Variants in DNAJC25 observed in about 807,000 individuals in gnomAD.
The protein encoded by DNAJC25 is dnaJ homolog subfamily C member 25.
In DNAJC25, 26 loss-of-function variants were observed where a neutral mutation model predicts 42.1. The observed-to-expected ratio is 0.62, with a 90% CI of 0.45 to 0.86. The LOEUF is 0.86. Among genes scored for constraint, DNAJC25 ranks in the 40% least tolerant of loss-of-function variants. The probability of loss-of-function intolerance (pLI) is 0.00; values close to 1 mark genes in which losing one functional copy is unlikely to be tolerated. For missense variants in DNAJC25, 404 were observed against 459.4 expected (o/e 0.88, Z 1.10); for synonymous variants, 189 against 179.9 (o/e 1.05, Z -0.40).
chr9:111,647,530 T>G (rs559491930), intron 2 of DNAJC25, among the ~76,000 whole-genome samples: 1 of 152,276 alleles, frequency 6.6e-6, no homozygotes, highest in East Asian at 1.9e-4. Context: ...ATAGCCAGAG[T>G]GAACGTCAGC....
intron 1 of DNAJC25, among the ~76,000 whole-genome samples, chr9:111,637,694 G>A (rs1015983065): frequency 6.6e-5 from 10 of 152,132 alleles, no homozygotes; most frequent in African/African-American, 2.4e-4. Flanking sequence ...TGTTCTTGTT[G>A]AGGTGAACAG....
chr9:111,652,619 G>A (rs186159038), intron 3 of DNAJC25, among the ~76,000 whole-genome samples: 12 of 149,638 alleles, frequency 8.0e-5, no homozygotes, highest in Middle Eastern at 3.6e-3. Flanking sequence ...TCAGCTCACT[G>A]CAACCTCCGC....
chr9:111,649,184 T>C (rs1830610941), intron 2 of DNAJC25, among the ~76,000 whole-genome samples: 1 of 152,176 alleles, frequency 6.6e-6, no homozygotes, highest in African/African-American at 2.4e-5. Context: ...GTATGATACA[T>C]TGATTAGCCT....
intron 2 of DNAJC25, 38 bp downstream of exon 2, chr9:111,647,297 C>T (rs1381526246): frequency 1.2e-6 from 2 of 1,608,716 alleles, no homozygotes; most frequent in East Asian, 2.2e-5. Context: ...CATTTATGTG[C>T]ATTGAGTGCA....
chr9:111,639,695 G>A (rs1830415921), intron 1 of DNAJC25, among the ~76,000 whole-genome samples: 1 of 149,984 alleles, frequency 6.7e-6, no homozygotes, highest in Non-Finnish European at 1.5e-5. Flanking sequence ...ATGTGTGTGT[G>A]TGTGTGTATG....
At chr9:111,650,054 C>G (rs1830633303) in intron 3 of DNAJC25, 131 bp downstream of exon 3, 1 of 840,810 alleles carries the variant, frequency 1.2e-6, no homozygotes, top group Non-Finnish European at 1.7e-6. Context: ...TAGTAAAGAC[C>G]TTTTATTGAA....
In DNAJC25 at chr9:111,649,365, A is replaced by G. The variant is rs147227293; in HGVS notation, c.490-88A>G. The G allele has an allele frequency of 4.6e-4, 668 of 1,438,878 alleles. 7 individuals carry two copies. The African/African-American group carries it at 8.8e-3, about 19-fold the overall frequency. The allele number at this position is 1,438,878 out of a possible 1,614,324, so 89.1% of individuals were successfully genotyped here. On this transcript the variant is annotated intron_variant, in intron 2 of 3. Coordinates refer to ENST00000313525, the MANE Select transcript of DNAJC25 (RefSeq NM_001015882.3). ...TTTAATTGTAATGGTTTCTTGGGAG[A>G]TGGTATTCACCGAGACTCTATCATT...
At chr9:111,640,894 G>A (rs1381397354) in intron 1 of DNAJC25, among the ~76,000 whole-genome samples, 4 of 88,934 alleles carry the variant, frequency 4.5e-5, no homozygotes, top group Non-Finnish European at 8.0e-5. Flanking sequence ...TGGGGGGTCA[G>A]CCCCCCCGCC....
intron 3 of DNAJC25, among the ~76,000 whole-genome samples, chr9:111,652,807 A>G (rs905689916): frequency 6.6e-6 from 1 of 152,060 alleles, no homozygotes; most frequent in African/African-American, 2.4e-5. Flanking sequence ...TTGGCCTCCC[A>G]ATGTGCTGGG....
At chr9:111,652,890 C>T (rs1056123134) in intron 3 of DNAJC25, among the ~76,000 whole-genome samples, 1 of 151,728 alleles carries the variant, frequency 6.6e-6, no homozygotes, top group Non-Finnish European at 1.5e-5. Flanking sequence ...TCATGTTTAA[C>T]ACTGAATGTT....
intron 1 of DNAJC25, among the ~76,000 whole-genome samples, chr9:111,632,078 G>A (rs1453962746): frequency 6.6e-6 from 1 of 152,234 alleles, no homozygotes; most frequent in Non-Finnish European, 1.5e-5. Context: ...TAGGATCTGG[G>A]GTAGCCCACA....
Position 111,631,572 on chromosome 9 carries a change from C to G in DNAJC25, c.165C>G (p.Gly55=). The G allele has an allele frequency of 6.9e-7, 1 of 1,451,216 alleles. No individual in the cohort carries two copies. Among genetic ancestry groups the G allele is most frequent in the South Asian group, 1.4e-5 (1 of 72,060 alleles). The allele number at this position is 1,451,216 out of a possible 1,614,324, so 89.9% of individuals were successfully genotyped here. Residue 55 remains glycine (G), a synonymous_variant, in exon 1 of 4, where the codon GGC becomes GGG. Transcript: ENST00000313525. The part of the protein sequence containing the change: ...CGTRDCYEVL[G]VSRSAGKAEI... Reference sequence around the variant, plus strand: ...CGCGGGACTGCTACGAGGTGCTGGGCGTGAGCCGCTCGGCGGGCAAGGCGG... The same window carrying G: ...CGCGGGACTGCTACGAGGTGCTGGGGGTGAGCCGCTCGGCGGGCAAGGCGG...
chr9:111,649,735 T>A lies in DNAJC25; in HGVS notation c.772T>A (p.Ser258Thr), dbSNP rs745714904. ...QIILAPFHLCSYIVWYCRWIY... is the reference protein window; with the variant it reads ...QIILAPFHLCTYIVWYCRWIY... ...TATCTTAGCTCCTTTTCACCTATGC[T>A]CATATATAGTTTGGTATTGTCGGTG... is the stretch of plus-strand genomic sequence containing the variant. Residue 258 changes from serine to threonine, a missense_variant, in exon 3 of 4, where the codon TCA becomes ACA. Coordinates refer to ENST00000313525, the MANE Select transcript of DNAJC25 (RefSeq NM_001015882.3). 3.1e-6 allele frequency: 5 copies of A among 1,613,998 alleles called. No individual in the cohort carries two copies. Among genetic ancestry groups the A allele is most frequent in the Non-Finnish European group, 4.2e-6 (5 of 1,180,024 alleles).
In DNAJC25 at chr9:111,653,982, C is replaced by A. The variant is rs1830705350; in HGVS notation, c.*760C>A. The A allele has an allele frequency of 6.6e-6, 1 of 152,102 alleles. No homozygotes were observed. Among genetic ancestry groups the A allele is most frequent in the Admixed American group, 6.6e-5 (1 of 15,222 alleles). 9.4% of individuals were successfully genotyped at this position (152,102 alleles called of 1,614,324 possible). A position where few individuals can be genotyped will look rare whatever the true frequency, so the allele number is the denominator to read the frequency against. On this transcript the variant is annotated 3_prime_UTR_variant, in exon 4 of 4. Coordinates refer to ENST00000313525, the MANE Select transcript of DNAJC25 (RefSeq NM_001015882.3). ...TCCAGAAAGGACCTTGTAAAAAGGT[C>A]TTTTGTACCACAGTATTGGTTTTTT...
At chr9:111,650,217 TACA>T (rs1830636274) in intron 3 of DNAJC25, among the ~76,000 whole-genome samples, 1 of 152,070 alleles carries the variant, frequency 6.6e-6, no homozygotes. Flanking sequence ...GCAAGGGTGT[TACA>T]ACAACTTTTG....
chr9:111,636,689 T>C (rs1830366869), intron 1 of DNAJC25, among the ~76,000 whole-genome samples: 1 of 152,190 alleles, frequency 6.6e-6, no homozygotes, highest in South Asian at 2.1e-4. Context: ...AGTCCACAGA[T>C]GGCATATAGT....
Position 111,637,467 on chromosome 9 carries a change from T to C in DNAJC25, c.336+5724T>C, listed in dbSNP as rs186971706. ...TCATTTTACTTACACTGTCTTCTTC[T>C]GTCATTCTTCTTCTGGAATCTTCTT... On this transcript the variant is annotated intron_variant, in intron 1 of 3. Transcript: ENST00000313525. Among the ~76,000 whole-genome samples, 10 of 152,352 alleles carry C rather than the reference T, an allele frequency of 6.6e-5. No individual in the cohort carries two copies. In the East Asian group the frequency reaches 1.9e-3, roughly 29 times the overall value.
intron 2 of DNAJC25, 101 bp downstream of exon 2, chr9:111,647,360 T>A: frequency 6.3e-6 from 9 of 1,431,704 alleles, no homozygotes; most frequent in Non-Finnish European, 8.5e-6. Context: ...TCTTGTAAAA[T>A]TTTACTTCTA....
intron 1 of DNAJC25, among the ~76,000 whole-genome samples, chr9:111,634,047 C>T (rs1233426309): frequency 6.6e-6 from 1 of 152,142 alleles, no homozygotes; most frequent in Non-Finnish European, 1.5e-5. Context: ...TGTTCTGTAG[C>T]TCCCCCAGAA....
Sources: allele counts gnomAD v4.1 joint callset (sites outside exome capture counted in the v4.1 genomes callset), GRCh38; gene constraint gnomAD v4.1.1; transcripts MANE v1.5; gene names NCBI Gene and HGNC (gene_info 2026-07-23, HGNC 2026-07-21).